Variants in CSMD1 observed in about 807,000 individuals in gnomAD.
CSMD1 encodes CUB and sushi domain-containing protein 1.
CSMD1 carries 213 observed loss-of-function variants against 417.5 expected under a neutral mutation model. The observed-to-expected ratio is 0.51, with a 90% CI of 0.46 to 0.57. The LOEUF is 0.57. Among genes scored for constraint, CSMD1 ranks in the 20% least tolerant of loss-of-function variants. The pLI, the probability that CSMD1 is intolerant of heterozygous loss-of-function variation, is 0.00. For missense variants in CSMD1, 6,923 were observed against 4,529.7 expected (o/e 1.53, Z -15.17); for synonymous variants, 2,862 against 1,736.8 (o/e 1.65, Z -16.11).
At chr8:3,857,552 G>A (rs1033374037) in intron 5 of CSMD1, among the ~76,000 whole-genome samples, 1 of 152,204 alleles carries the variant, frequency 6.6e-6, no homozygotes, top group African/African-American at 2.4e-5. Flanking sequence ...AAATGGCAGA[G>A]TCGTCTTCCA....
At chr8:4,289,358 T>C (rs1272622395) in intron 3 of CSMD1, among the ~76,000 whole-genome samples, 2 of 152,118 alleles carry the variant, frequency 1.3e-5, no homozygotes, top group Non-Finnish European at 2.9e-5. Flanking sequence ...TAACTTTTCT[T>C]ATAGGTAAGA....
chr8:3,323,136 T>C (rs1806265408), intron 23 of CSMD1, among the ~76,000 whole-genome samples: 1 of 152,202 alleles, frequency 6.6e-6, no homozygotes, highest in Non-Finnish European at 1.5e-5. Flanking sequence ...TCTAACATTG[T>C]CTTATTAGTA....
chr8:4,402,999 G>T (rs1437125306), intron 3 of CSMD1, among the ~76,000 whole-genome samples: 3 of 151,082 alleles, frequency 2.0e-5, no homozygotes, highest in Non-Finnish European at 4.4e-5. Context: ...TTCTTTTGTT[G>T]TTGTTGTTTT....
At chr8:3,315,327 TC>T (rs1328407166) in intron 23 of CSMD1, among the ~76,000 whole-genome samples, 2 of 152,170 alleles carry the variant, frequency 1.3e-5, no homozygotes, top group African/African-American at 4.8e-5. Context: ...GAAGGAAAGT[TC>T]ATTAATAATG....
chr8:4,640,336 G>C (rs966514194), intron 1 of CSMD1, among the ~76,000 whole-genome samples: 2 of 152,180 alleles, frequency 1.3e-5, no homozygotes, highest in Admixed American at 6.5e-5. Flanking sequence ...CTATGCCTAA[G>C]ATAGAATCGG....
At chr8:3,416,413 G>C (rs1178075434) in intron 12 of CSMD1, among the ~76,000 whole-genome samples, 2 of 146,906 alleles carry the variant, frequency 1.4e-5, no homozygotes, top group East Asian at 2.0e-4. Flanking sequence ...TAGAGAAAAA[G>C]AACTCTGAAG....
chr8:3,266,966 T>C (rs1801481031), intron 26 of CSMD1, among the ~76,000 whole-genome samples: 1 of 152,074 alleles, frequency 6.6e-6, no homozygotes, highest in Non-Finnish European at 1.5e-5. Context: ...AAAATTTTGC[T>C]CTAAAAGGAG....
chr8:3,264,727 C>G (rs1250904413), intron 26 of CSMD1, among the ~76,000 whole-genome samples: 1 of 152,024 alleles, frequency 6.6e-6, no homozygotes, highest in Non-Finnish European at 1.5e-5. Flanking sequence ...GAAATGATTG[C>G]TAATAGAGTT....
intron 5 of CSMD1, among the ~76,000 whole-genome samples, chr8:3,838,063 G>A (rs574158070): frequency 3.3e-5 from 5 of 151,996 alleles, no homozygotes; most frequent in East Asian, 3.9e-4. Flanking sequence ...ACTTGGAAAC[G>A]GTTGTAGGGC....
intron 5 of CSMD1, among the ~76,000 whole-genome samples, chr8:3,821,979 A>T (rs1281630686): frequency 6.6e-6 from 1 of 152,024 alleles, no homozygotes. Context: ...TTCCCTTCAC[A>T]TTCTTTGCTC....
In CSMD1 at chr8:4,065,716, G is replaced by A. The variant is rs188051506; in HGVS notation, c.416-33617C>T. On this transcript the variant is annotated intron_variant, in intron 3 of 69. Coordinates refer to ENST00000635120, the MANE Select transcript of CSMD1 (RefSeq NM_033225.6). Reference sequence around the variant, plus strand: ...GGAACACCACATGTATCTGTGCTAGGTTATGTAAACATAGGCTCTATCACC... The same window carrying A: ...GGAACACCACATGTATCTGTGCTAGATTATGTAAACATAGGCTCTATCACC... 6.6e-5 allele frequency among the ~76,000 whole-genome samples: 10 copies of A among 152,288 alleles called. No homozygotes were observed. In the East Asian group the frequency reaches 1.5e-3, roughly 24 times the overall value.
chr8:3,005,201 G>C (rs1013801648), intron 52 of CSMD1, among the ~76,000 whole-genome samples: 2 of 152,136 alleles, frequency 1.3e-5, no homozygotes, highest in Non-Finnish European at 2.9e-5. Context: ...GGTGTTATAC[G>C]TATGGACTGT....
chr8:4,899,609 G>C (rs929089754), intron 1 of CSMD1, among the ~76,000 whole-genome samples: 16 of 152,122 alleles, frequency 1.1e-4, no homozygotes, highest in African/African-American at 3.9e-4. Context: ...GAAGTTACCT[G>C]TGGTTACATA....
chr8:3,434,064 A>G (rs1196126464), intron 12 of CSMD1, among the ~76,000 whole-genome samples: 1 of 152,254 alleles, frequency 6.6e-6, no homozygotes, highest in East Asian at 1.9e-4. Context: ...TTCTTTGATT[A>G]TGAGACCTGA....
intron 68 of CSMD1, among the ~76,000 whole-genome samples, chr8:2,948,534 C>T (rs1161798369): frequency 6.6e-6 from 1 of 152,066 alleles, no homozygotes; most frequent in East Asian, 1.9e-4. Flanking sequence ...AATATATAGT[C>T]CTCATTTCTT....
At chr8:3,683,010 C>T (rs1355239353) in intron 7 of CSMD1, among the ~76,000 whole-genome samples, 1 of 151,892 alleles carries the variant, frequency 6.6e-6, no homozygotes, top group Non-Finnish European at 1.5e-5. Context: ...AACACATGGA[C>T]ACAGGAAGGG....
intron 1 of CSMD1, among the ~76,000 whole-genome samples, chr8:4,811,963 G>A (rs958417017): frequency 1.3e-5 from 2 of 152,100 alleles, no homozygotes; most frequent in Non-Finnish European, 2.9e-5. Context: ...AGAAATACAT[G>A]CTGGTTTTTT....
chr8:3,079,086 C>T (rs1453982240), intron 49 of CSMD1, among the ~76,000 whole-genome samples: 1 of 152,128 alleles, frequency 6.6e-6, no homozygotes, highest in Non-Finnish European at 1.5e-5. Flanking sequence ...CACTCAATTG[C>T]GGGAGCCTGA....
intron 1 of CSMD1, among the ~76,000 whole-genome samples, chr8:4,993,770 G>A (rs1317388309): frequency 1.3e-5 from 2 of 152,336 alleles, no homozygotes; most frequent in East Asian, 1.9e-4. Context: ...CTCCTCGCCG[G>A]CTGAGGACGT....
Sources: allele counts gnomAD v4.1 joint callset (sites outside exome capture counted in the v4.1 genomes callset), GRCh38; gene constraint gnomAD v4.1.1; transcripts MANE v1.5; gene names NCBI Gene and HGNC (gene_info 2026-07-23, HGNC 2026-07-21).